CDH2: variants seen among roughly 807,000 people sequenced by gnomAD.
The protein encoded by CDH2 is cadherin-2.
In CDH2, 17 loss-of-function variants were observed where a neutral mutation model predicts 92.0. The observed-to-expected ratio is 0.18, with a 90% confidence interval of 0.13 to 0.28. The LOEUF (loss-of-function observed/expected upper bound fraction) is 0.28. Ranked by LOEUF, CDH2 falls within the 10% of genes least tolerant of loss-of-function variation. CDH2 has a pLI of 1.00. For missense variants in CDH2, 862 were observed against 1,133.1 expected, an observed-to-expected ratio of 0.76 and a Z score of 3.44; for synonymous variants, 419 against 415.9, an observed-to-expected ratio of 1.01 and a Z score of -0.09.
intron 2 of CDH2, among the ~76,000 whole-genome samples, chr18:28,024,727 G>GT (rs943494909): frequency 1.3e-5 from 2 of 151,422 alleles, no homozygotes; most frequent in Admixed American, 6.6e-5. Context: ...ATTGAAAGGA[G>GT]TTTTTTTCTA....
intron 2 of CDH2, among the ~76,000 whole-genome samples, chr18:28,147,008 G>A (rs1156668944): frequency 6.6e-6 from 1 of 151,942 alleles, no homozygotes; most frequent in Non-Finnish European, 1.5e-5. Flanking sequence ...TTGATACTTA[G>A]GTTTTATTTC....
intron 2 of CDH2, among the ~76,000 whole-genome samples, chr18:28,100,719 T>A (rs976409005): frequency 6.6e-6 from 1 of 152,224 alleles, no homozygotes; most frequent in Admixed American, 6.5e-5. Context: ...GTTATTCACA[T>A]ACACATTGCA....
intron 2 of CDH2, among the ~76,000 whole-genome samples, chr18:28,117,207 G>T (rs1274967449): frequency 1.3e-5 from 2 of 152,048 alleles, no homozygotes; most frequent in Non-Finnish European, 2.9e-5. Flanking sequence ...AAAACAAATT[G>T]CTCTAAATAA....
rs916905929 is a variant in CDH2, at chr18:28,024,764, A to T, written c.173-10855T>A. 3.3e-5 allele frequency among the ~76,000 whole-genome samples: 5 copies of T among 151,942 alleles called. No individual in the cohort carries two copies. The East Asian group carries it at 7.7e-4, about 24-fold the overall frequency. ...AAATGTGTATCTTAAACATAATATA[A>T]ACACTTTAATTCTAAAACACACAAA... On this transcript the variant is annotated intron_variant, in intron 2 of 15. Transcript: ENST00000269141.
chr18:28,010,800 G>A (rs2013075639), intron 4 of CDH2, among the ~76,000 whole-genome samples: 1 of 151,762 alleles, frequency 6.6e-6, no homozygotes, highest in Non-Finnish European at 1.5e-5. Flanking sequence ...CTCCCGAGTA[G>A]CACCACGCCC....
chr18:28,076,427 C>T (rs1008204314), intron 2 of CDH2, among the ~76,000 whole-genome samples: 3 of 151,964 alleles, frequency 2.0e-5, no homozygotes, highest in East Asian at 1.9e-4. Context: ...ATAATATATG[C>T]CCCTTATAAT....
intron 2 of CDH2, among the ~76,000 whole-genome samples, chr18:28,104,692 A>ATATCTATCTATC (rs5823586): frequency 0.035 from 5,196 of 148,410 alleles, 121 homozygotes; most frequent in African/African-American, 0.057. Flanking sequence ...ATGCAAATAC[A>ATATCTATCTATC]TATCTATCTA....
At chr18:28,080,031 G>A (rs1404616027) in intron 2 of CDH2, among the ~76,000 whole-genome samples, 1 of 152,142 alleles carries the variant, frequency 6.6e-6, no homozygotes, top group Non-Finnish European at 1.5e-5. Flanking sequence ...ACCCTGAGGA[G>A]CTTTCAGTGA....
At chr18:28,104,552 T>C (rs776396691) in intron 2 of CDH2, among the ~76,000 whole-genome samples, 9 of 151,556 alleles carry the variant, frequency 5.9e-5, no homozygotes, top group Non-Finnish European at 3.0e-5. Flanking sequence ...GTCCTAAAAA[T>C]GGGTGAGAAG....
chr18:28,155,528 A>C (rs1224321700), intron 1 of CDH2, among the ~76,000 whole-genome samples: 1 of 152,212 alleles, frequency 6.6e-6, no homozygotes, highest in Non-Finnish European at 1.5e-5. Context: ...AACAAGGACA[A>C]AAGATGCACA....
chr18:28,074,527 T>C (rs947023440), intron 2 of CDH2, among the ~76,000 whole-genome samples: 1 of 152,136 alleles, frequency 6.6e-6, no homozygotes, highest in Non-Finnish European at 1.5e-5. Flanking sequence ...ATTACAGGCA[T>C]GAGCCACCAC....
At chr18:28,011,727 G>T in intron 4 of CDH2, 119 bp downstream of exon 4, 2 of 932,590 alleles carry the variant, frequency 2.1e-6, no homozygotes, top group Non-Finnish European at 3.3e-6. Context: ...TATCTTTATA[G>T]AAAAACACTT....
At chr18:27,949,961 G>A (rs1389368700), downstream of CDH2, among the ~76,000 whole-genome samples, 2 of 151,934 alleles carry the variant, frequency 1.3e-5, no homozygotes, top group Non-Finnish European at 2.9e-5. Context: ...TAAATGGTGT[G>A]AGCATTAAGT....
chr18:28,155,889 T>C (rs954361391), intron 1 of CDH2, among the ~76,000 whole-genome samples: 1 of 152,238 alleles, frequency 6.6e-6, no homozygotes, highest in Admixed American at 6.5e-5. Flanking sequence ...CTTCAAGATT[T>C]TCTCTGTGTC....
intron 14 of CDH2, among the ~76,000 whole-genome samples, chr18:27,964,145 A>G (rs993039843): frequency 6.6e-6 from 1 of 152,202 alleles, no homozygotes; most frequent in Non-Finnish European, 1.5e-5. Flanking sequence ...ATTATTTACT[A>G]TCTGGCCCTA....
intron 14 of CDH2, among the ~76,000 whole-genome samples, chr18:27,977,000 T>G (rs1053876932): frequency 6.6e-6 from 1 of 152,144 alleles, no homozygotes; most frequent in Non-Finnish European, 1.5e-5. Flanking sequence ...CAAAGATCAT[T>G]GAAAGCGATA....
intron 14 of CDH2, among the ~76,000 whole-genome samples, chr18:27,977,603 G>C (rs9951439): frequency 0.15 from 23,370 of 151,914 alleles, 2,181 homozygotes; most frequent in East Asian, 0.4. Context: ...CCAGTTTCAG[G>C]CTAATTTTCT....
chr18:28,169,455 T>C (rs1175109985), intron 1 of CDH2, among the ~76,000 whole-genome samples: 1 of 152,158 alleles, frequency 6.6e-6, no homozygotes, highest in Non-Finnish European at 1.5e-5. Flanking sequence ...TCTGGAATAA[T>C]AAAAACTCCA....
intron 1 of CDH2, among the ~76,000 whole-genome samples, chr18:28,175,286 G>A (rs530910706): frequency 6.6e-6 from 1 of 152,332 alleles, no homozygotes; most frequent in East Asian, 1.9e-4. Flanking sequence ...TAATAGTTCT[G>A]AAATCCCCGA....
Sources: allele counts gnomAD v4.1 joint callset (sites outside exome capture counted in the v4.1 genomes callset), GRCh38; gene constraint gnomAD v4.1.1; transcripts MANE v1.5; gene names NCBI Gene and HGNC (gene_info 2026-07-23, HGNC 2026-07-21).